NPC1: variants seen among roughly 807,000 people sequenced by gnomAD.
NPC1 encodes the protein NPC intracellular cholesterol transporter 1.
Under a neutral mutation model 140.4 loss-of-function variants are expected in NPC1, and 85 were observed. The observed-to-expected ratio is 0.61, with a 90% confidence interval of 0.51 to 0.72. The LOEUF (loss-of-function observed/expected upper bound fraction) is 0.72. Ranked by LOEUF, NPC1 falls within the 30% of genes least tolerant of loss-of-function variation. The pLI, the probability that NPC1 is intolerant of heterozygous loss-of-function variation, is 0.00. For missense variants in NPC1, 1,504 were observed against 1,623.8 expected, an observed-to-expected ratio of 0.93 and a Z score of 1.27; for synonymous variants, 656 against 624.8, an observed-to-expected ratio of 1.05 and a Z score of -0.74.
intron 12 of NPC1, 69 bp downstream of exon 12, chr18:23,544,891 C>CA: frequency 8.6e-7 from 1 of 1,163,282 alleles, no homozygotes; most frequent in Non-Finnish European, 1.3e-6. Context: ...AATAAAGAGG[C>CA]AAAAATATGA....
chr18:23,516,430 C>T, intron 3 of NPC1: 2 of 1,612,510 alleles, frequency 1.2e-6, no homozygotes, highest in Non-Finnish European at 1.7e-6. Flanking sequence ...CCATGTATGT[C>T]CGTGTCAGAG....
At chr18:23,518,324 C>T (rs2058061643), downstream of NPC1, among the ~76,000 whole-genome samples, 1 of 152,074 alleles carries the variant, frequency 6.6e-6, no homozygotes, top group Non-Finnish European at 1.5e-5. Context: ...GACCCTGTTT[C>T]TACAAAAAAA....
In NPC1 at chr18:23,566,866, T is replaced by C. The variant is rs986681476; in HGVS notation, c.463+1957A>G. Among the ~76,000 whole-genome samples the C allele has an allele frequency of 7.2e-5, 11 of 152,360 alleles. No individual in the cohort carries two copies. In the East Asian group the frequency reaches 1.7e-3, roughly 24 times the overall value. Reference sequence around the variant, plus strand: ...CTTCCTCTCTCCTAACCCATGGCAATCACTGACTTTTTACTGTCTCCACGG... The same window carrying C: ...CTTCCTCTCTCCTAACCCATGGCAACCACTGACTTTTTACTGTCTCCACGG... On this transcript the variant is annotated intron_variant, in intron 4 of 24. Coordinates refer to ENST00000269228, the MANE Select transcript of NPC1 (RefSeq NM_000271.5).
At chr18:23,520,464 G>C, downstream of NPC1, 1 of 683,700 alleles carries the variant, frequency 1.5e-6, no homozygotes, top group Non-Finnish European at 2.4e-6. Flanking sequence ...ATTTGTTCCA[G>C]TTTTGTTGTT....
At chr18:23,543,081 A>G (rs530237533) in intron 14 of NPC1, among the ~76,000 whole-genome samples, 1 of 152,286 alleles carries the variant, frequency 6.6e-6, no homozygotes, top group Non-Finnish European at 1.5e-5. Context: ...TAATCTCAGC[A>G]CTTTGGGAGG....
intron 6 of NPC1, among the ~76,000 whole-genome samples, chr18:23,557,538 C>T (rs541495208): frequency 6.6e-5 from 10 of 152,294 alleles, no homozygotes; most frequent in Non-Finnish European, 8.8e-5. Flanking sequence ...GGCGGGATCA[C>T]GAGGTCAAGA....
chr18:23,547,969 T>G (rs2058812568), intron 11 of NPC1, 37 bp downstream of exon 11: 4 of 1,196,730 alleles, frequency 3.3e-6, no homozygotes, highest in Admixed American at 3.4e-5. Flanking sequence ...CTTCCCACAA[T>G]GCAAGGACAG....
chr18:23,508,253 G>T (rs930942186), intron 3 of NPC1, among the ~76,000 whole-genome samples: 1 of 152,134 alleles, frequency 6.6e-6, no homozygotes, highest in Non-Finnish European at 1.5e-5. Flanking sequence ...GAGGGGGAGG[G>T]TTCAATGGAT....
Position 23,586,463 on chromosome 18 carries a change from C to G in NPC1, c.-120G>C, listed in dbSNP as rs542653414. 13 of 1,466,312 alleles carry G rather than the reference C, an allele frequency of 8.9e-6. No individual in the cohort carries two copies. In the South Asian group the frequency reaches 1.6e-4, roughly 18 times the overall value. The allele number at this position is 1,466,312 out of a possible 1,614,324, so 90.8% of individuals were successfully genotyped here. On this transcript the variant is annotated 5_prime_UTR_variant, in exon 1 of 25. Transcript: ENST00000269228. ...CGCAGGAGGAGCGGAGGAGCAGGAG[C>G]AGGCGCTGACCGCGGCAGCAGGCTG...
Position 23,516,129 on chromosome 18 carries a change from ACT to A in NPC1, c.432-9489_432-9488del. The A allele has an allele frequency of 7.9e-6, 11 of 1,395,944 alleles. No individual in the cohort carries two copies. In the South Asian group the frequency reaches 1.4e-4, roughly 18 times the overall value. The allele number at this position is 1,395,944 out of a possible 1,614,324, so 86.5% of individuals were successfully genotyped here. A position where few individuals can be genotyped will look rare whatever the true frequency, so the allele number is the denominator to read the frequency against. On this transcript the variant is annotated intron_variant, in intron 3 of 3. Coordinates refer to the NPC1 transcript ENST00000591107. ...GTCACCGCTCTGACCACTAGAGGGC[ACT>A]CTGTATACCCGTCAGCTCCTGGAGC...
At chr18:23,516,644 A>C (rs2058013133) in intron 3 of NPC1, among the ~76,000 whole-genome samples, 1 of 152,004 alleles carries the variant, frequency 6.6e-6, no homozygotes, top group Non-Finnish European at 1.5e-5. Context: ...GATGCTAAGG[A>C]ATTCCTTTAC....
downstream of NPC1, chr18:23,529,819 T>C: frequency 8.4e-7 from 1 of 1,185,328 alleles, no homozygotes. Flanking sequence ...TCTGCCTCCC[T>C]GACTCAGAAT....
At chr18:23,554,695 G>C in intron 9 of NPC1, 63 bp downstream of exon 9, 1 of 1,262,690 alleles carries the variant, frequency 7.9e-7, no homozygotes, top group African/African-American at 1.5e-5. Flanking sequence ...ACAAGCTTTT[G>C]CCCATGTACC....
rs1052227279 is a variant in NPC1 at position 23,538,834 on chromosome 18, A to G, written c.2912-163T>C. The G allele has an allele frequency of 1.2e-5, 9 of 726,796 alleles. No individual in the cohort carries two copies. In the African/African-American group the frequency reaches 1.6e-4, roughly 13 times the overall value. The allele number at this position is 726,796 out of a possible 1,614,324, so 45.0% of individuals were successfully genotyped here. A position where few individuals can be genotyped will look rare whatever the true frequency, so the allele number is the denominator to read the frequency against. ...CCCCTTATCTAAAAGCTTCAGCCAC[A>G]TGTCACTTTCACAGTTTAATGAATC... On this transcript the variant is annotated intron_variant, in intron 19 of 24. Transcript: ENST00000269228.
In NPC1 at chr18:23,538,238, G is replaced by A. The variant is rs73967113; in HGVS notation, c.3041+304C>T. Among the ~76,000 whole-genome samples, 400 of 152,312 alleles carry A rather than the reference G, an allele frequency of 2.6e-3. 2 individuals carry two copies. The highest frequency in any genetic ancestry group is 9.0e-3 in the African/African-American group (374 of 41,570). Reference sequence around the variant, plus strand: ...TTCAGGCCTGGATTACCAGCAGGCCGTCCTCTCCCTCAGCCCCGCTTGGAA... The same window carrying A: ...TTCAGGCCTGGATTACCAGCAGGCCATCCTCTCCCTCAGCCCCGCTTGGAA... On this transcript the variant is annotated intron_variant, in intron 20 of 24. Coordinates refer to ENST00000269228, the MANE Select transcript of NPC1 (RefSeq NM_000271.5).
intron 1 of NPC1, among the ~76,000 whole-genome samples, chr18:23,574,606 A>C (rs2059248643): frequency 6.6e-6 from 1 of 152,200 alleles, no homozygotes; most frequent in South Asian, 2.1e-4. Flanking sequence ...AAACATGAGA[A>C]AAAGTCAGCA....
At position 23,572,194 on chromosome 18, in the gene NPC1, G is replaced by C; in HGVS notation, c.181-14C>G. On this transcript the variant is annotated splice_polypyrimidine_tract_variant and intron_variant, in intron 2 of 24. Coordinates refer to ENST00000269228, the MANE Select transcript of NPC1 (RefSeq NM_000271.5). ...TGGACAGAGTTCCTTTCAGGTGAAA[G>C]AGCACAGACACGGGAGTAGGCAACA... The C allele has an allele frequency of 6.3e-7, 1 of 1,587,160 alleles. No individual in the cohort carries two copies. The highest frequency in any genetic ancestry group is 8.7e-7 in the Non-Finnish European group (1 of 1,155,994).
At chr18:23,530,665 A>C, downstream of NPC1, 9 of 1,549,876 alleles carry the variant, frequency 5.8e-6, no homozygotes, top group East Asian at 2.0e-4. Flanking sequence ...AGAGTAGCAG[A>C]GGGCACTGGC....
In NPC1 at chr18:23,561,930, A is replaced by G. The variant is rs1026966253; in HGVS notation, c.464-403T>C. Among the ~76,000 whole-genome samples the G allele has an allele frequency of 2.6e-5, 4 of 152,356 alleles. 1 individual carries two copies. In the Middle Eastern group the frequency reaches 0.014, roughly 518 times the overall value. On this transcript the variant is annotated intron_variant, in intron 4 of 24. Coordinates refer to ENST00000269228, the MANE Select transcript of NPC1 (RefSeq NM_000271.5). ...GAAAACCTCTGCCGCAGGAAGCTAC[A>G]CAGCCAGAGAATTATGGAACTTACT...
Sources: gnomAD v4.1 joint callset for allele counts (sites outside exome capture counted in the v4.1 genomes callset) on GRCh38, gnomAD v4.1.1 for gene constraint, MANE v1.5 for transcripts, NCBI Gene and HGNC (gene_info 2026-07-23, HGNC 2026-07-21) for gene names.